SUMF1: variants seen among roughly 807,000 people sequenced by gnomAD.
SUMF1 encodes the protein sulfatase modifying factor 1.
In SUMF1, 48 loss-of-function variants were observed where a neutral mutation model predicts 47.6. The observed-to-expected ratio is 1.01, with a 90% CI of 0.80 to 1.28. The LOEUF (loss-of-function observed/expected upper bound fraction) is 1.28. Among genes scored for constraint, SUMF1 ranks in the 50% most tolerant of loss-of-function variants. The pLI is 0.00. For missense variants in SUMF1, 571 were observed against 485.4 expected (o/e 1.18, Z -1.66); for synonymous variants, 230 against 192.1 (o/e 1.20, Z -1.63).
chr3:4,207,198 C>G (rs1326440134), intron 8 of SUMF1, among the ~76,000 whole-genome samples: 2 of 151,890 alleles, frequency 1.3e-5, no homozygotes, highest in Non-Finnish European at 1.5e-5. Context: ...TTATCTTTTA[C>G]CTTATGACCT....
At chr3:4,100,061 A>G (rs534521800) in intron 8 of SUMF1, among the ~76,000 whole-genome samples, 1 of 151,096 alleles carries the variant, frequency 6.6e-6, no homozygotes, top group East Asian at 2.0e-4. Flanking sequence ...AATAATATGA[A>G]TTCTTCCAAT....
chr3:4,355,174 A>T (rs891790710), intron 8 of SUMF1, among the ~76,000 whole-genome samples: 1 of 151,640 alleles, frequency 6.6e-6, no homozygotes, highest in African/African-American at 2.4e-5. Context: ...ACATGGAAAA[A>T]CTCCATCTCT....
chr3:4,122,159 T>C (rs1693560256), intron 8 of SUMF1, among the ~76,000 whole-genome samples: 1 of 151,872 alleles, frequency 6.6e-6, no homozygotes, highest in South Asian at 2.1e-4. Context: ...CTATGGTGAA[T>C]ACAGCAGCAG....
chr3:4,264,961 C>A (rs376795885), intron 8 of SUMF1, among the ~76,000 whole-genome samples: 47 of 152,046 alleles, frequency 3.1e-4, no homozygotes, highest in African/African-American at 1.1e-3. Context: ...TTGTGAGACC[C>A]TATCTCTACT....
chr3:4,352,731 T>TAAAAAAAAAA (rs34628235), intron 8 of SUMF1, among the ~76,000 whole-genome samples: 1 of 108,252 alleles, frequency 9.2e-6, no homozygotes, highest in African/African-American at 3.2e-5. Flanking sequence ...TTGCTGCGTG[T>TAAAAAAAAAA]AAAAAAAAAA....
At chr3:4,175,327 A>G (rs185394618) in intron 8 of SUMF1, among the ~76,000 whole-genome samples, 1 of 151,902 alleles carries the variant, frequency 6.6e-6, no homozygotes, top group African/African-American at 2.4e-5. Flanking sequence ...CTGAGATGAA[A>G]CTTCCAGAGG....
At chr3:4,196,736 A>ACTCACTTTAAAAATAAGAAAAAG (rs1695438157) in intron 8 of SUMF1, among the ~76,000 whole-genome samples, 1 of 152,144 alleles carries the variant, frequency 6.6e-6, no homozygotes, top group Non-Finnish European at 1.5e-5. Flanking sequence ...TCTAAGCAAT[A>ACTCACTTTAAAAATAAGAAAAAG]AAATATTTCC....
intron 7 of SUMF1, among the ~76,000 whole-genome samples, chr3:4,405,520 G>C (rs1701347681): frequency 6.6e-6 from 1 of 152,170 alleles, no homozygotes; most frequent in Admixed American, 6.5e-5. Context: ...CCGGGTAGCT[G>C]GGACTACAGG....
intron 3 of SUMF1, among the ~76,000 whole-genome samples, chr3:4,431,787 GC>G (rs1250342530): frequency 2.5e-4 from 38 of 152,292 alleles, no homozygotes; most frequent in African/African-American, 8.7e-4. Flanking sequence ...TCTCCGGCTG[GC>G]AAAAGTGATT....
At chr3:4,311,123 A>G (rs1698388673) in intron 8 of SUMF1, among the ~76,000 whole-genome samples, 1 of 152,202 alleles carries the variant, frequency 6.6e-6, no homozygotes, top group Non-Finnish European at 1.5e-5. Flanking sequence ...TTTTAAGCAG[A>G]ATGTTAGCCT....
chr3:4,103,053 G>T (rs1202676655), intron 8 of SUMF1, among the ~76,000 whole-genome samples: 1 of 151,620 alleles, frequency 6.6e-6, no homozygotes, highest in Non-Finnish European at 1.5e-5. Flanking sequence ...CTCCTGAGTA[G>T]CTGGGATTAC....
chr3:4,442,294 C>A (rs975891921), intron 3 of SUMF1, among the ~76,000 whole-genome samples: 4 of 147,798 alleles, frequency 2.7e-5, no homozygotes, highest in African/African-American at 7.5e-5. Flanking sequence ...CTCGCTCTGT[C>A]GCCCAGGCTG....
At chr3:4,056,144 C>T (rs1383149427) in intron 9 of SUMF1, among the ~76,000 whole-genome samples, 2 of 152,032 alleles carry the variant, frequency 1.3e-5, no homozygotes, top group African/African-American at 4.8e-5. Flanking sequence ...TCTCCTTTAC[C>T]GTGTAACCTA....
At chr3:4,191,031 C>T (rs1695304192) in intron 8 of SUMF1, among the ~76,000 whole-genome samples, 2 of 152,146 alleles carry the variant, frequency 1.3e-5, no homozygotes, top group Admixed American at 1.3e-4. Flanking sequence ...AAGGTGAGAT[C>T]ACAGAGCTGG....
chr3:4,397,252 G>A (rs1220161040), intron 7 of SUMF1, among the ~76,000 whole-genome samples: 1 of 152,170 alleles, frequency 6.6e-6, no homozygotes, highest in East Asian at 1.9e-4. Flanking sequence ...TAAATGCAAA[G>A]GCAACTTCTA....
intron 1 of SUMF1, among the ~76,000 whole-genome samples, chr3:4,456,878 A>ATACG (rs2079648660): frequency 2.4e-5 from 1 of 41,592 alleles, no homozygotes; most frequent in South Asian, 8.4e-4. Flanking sequence ...GTATATCTAT[A>ATACG]TGTGTGTGTA....
chr3:4,272,795 C>T (rs1203457740), intron 8 of SUMF1, among the ~76,000 whole-genome samples: 1 of 152,028 alleles, frequency 6.6e-6, no homozygotes, highest in Non-Finnish European at 1.5e-5. Flanking sequence ...CCATATGGGC[C>T]AAGTACTGTG....
chr3:4,226,637 A>G (rs550428864), intron 8 of SUMF1, among the ~76,000 whole-genome samples: 45 of 152,072 alleles, frequency 3.0e-4, no homozygotes, highest in Non-Finnish European at 5.9e-4. Flanking sequence ...TATTTTATTA[A>G]TATATTCATT....
intron 8 of SUMF1, among the ~76,000 whole-genome samples, chr3:4,187,763 A>C (rs1297199502): frequency 6.6e-6 from 1 of 152,186 alleles, no homozygotes; most frequent in Non-Finnish European, 1.5e-5. Context: ...CCTATTGATT[A>C]GTAAATTTCT....
Sources: allele counts gnomAD v4.1 joint callset (sites outside exome capture counted in the v4.1 genomes callset), GRCh38; gene constraint gnomAD v4.1.1; transcripts MANE v1.5; gene names NCBI Gene and HGNC (gene_info 2026-07-23, HGNC 2026-07-21).